CSMD1: variants seen among roughly 807,000 people sequenced by gnomAD.
CSMD1 encodes CUB and sushi domain-containing protein 1.
Under a neutral mutation model 417.5 loss-of-function variants are expected in CSMD1, and 213 were observed. That is an observed-to-expected ratio of 0.51 (90% CI 0.46 to 0.57). The LOEUF is 0.57. Ranked by LOEUF, CSMD1 falls within the 20% of genes least tolerant of loss-of-function variation. The pLI, the probability that CSMD1 is intolerant of heterozygous loss-of-function variation, is 0.00. For synonymous variants in CSMD1, 2,862 were observed against 1,736.8 expected (o/e 1.65, Z -16.11); for missense variants, 6,923 against 4,529.7 (o/e 1.53, Z -15.17).
intron 1 of CSMD1, among the ~76,000 whole-genome samples, chr8:4,722,729 G>T (rs1164182618): frequency 6.6e-6 from 1 of 152,068 alleles, no homozygotes. Context: ...TTTACGGAAA[G>T]AAAAATTTGG....
At chr8:3,404,521 T>C (rs962010113) in intron 15 of CSMD1, among the ~76,000 whole-genome samples, 2 of 152,096 alleles carry the variant, frequency 1.3e-5, no homozygotes, top group East Asian at 3.9e-4. Context: ...ATAGAGATGA[T>C]GGGTCTGAGA....
intron 12 of CSMD1, among the ~76,000 whole-genome samples, chr8:3,450,934 G>A (rs1305045336): frequency 6.6e-6 from 1 of 152,074 alleles, no homozygotes; most frequent in African/African-American, 2.4e-5. Flanking sequence ...CTCACCAACA[G>A]TGTAAAAGTG....
intron 26 of CSMD1, among the ~76,000 whole-genome samples, chr8:3,261,987 A>G (rs1801100595): frequency 2.0e-5 from 3 of 151,232 alleles, no homozygotes; most frequent in African/African-American, 7.3e-5. Context: ...ACAGGATGTT[A>G]CTCTTGGGGG....
chr8:4,764,882 A>AAAACAAAAAAAAAAACAAAACAAAAC (rs1563326772), intron 1 of CSMD1, among the ~76,000 whole-genome samples: 1,954 of 47,308 alleles, frequency 0.041, 72 homozygotes, highest in African/African-American at 0.14. Context: ...CAAAAAAAAA[A>AAAACAAAAAAAAAAACAAAACAAAAC]AAAAAAAAAA....
chr8:4,529,316 A>G (rs1796676888), intron 2 of CSMD1, among the ~76,000 whole-genome samples: 1 of 152,222 alleles, frequency 6.6e-6, no homozygotes. Flanking sequence ...TGTATGCAAA[A>G]AAAATTACAA....
intron 7 of CSMD1, among the ~76,000 whole-genome samples, chr8:3,696,996 A>G (rs1303690843): frequency 6.6e-6 from 1 of 152,150 alleles, no homozygotes; most frequent in East Asian, 1.9e-4. Context: ...CCCAGGATCC[A>G]GTAGGTCATG....
At chr8:4,355,649 C>T (rs1169746792) in intron 3 of CSMD1, among the ~76,000 whole-genome samples, 1 of 151,778 alleles carries the variant, frequency 6.6e-6, no homozygotes, top group Non-Finnish European at 1.5e-5. Context: ...TCAAGAAAAG[C>T]AAGCATGCTA....
Position 3,990,587 on chromosome 8 carries a change from C to T in CSMD1, c.818+7316G>A, listed in dbSNP as rs188094160. Among the ~76,000 whole-genome samples the T allele has an allele frequency of 1.6e-4, 25 of 152,280 alleles. No homozygotes were observed. In the South Asian group the frequency reaches 2.9e-3, roughly 18 times the overall value. The stretch of plus-strand genomic sequence containing the variant: ...AGAAAAGTGTCCCAAATTTCAAATA[C>T]GTATTCTTTGAAATAGTTTTTTAAC... On this transcript the variant is annotated intron_variant, in intron 5 of 69. Transcript: ENST00000635120.
intron 11 of CSMD1, among the ~76,000 whole-genome samples, chr8:3,478,347 C>A (rs1817545002): frequency 6.6e-6 from 1 of 152,240 alleles, no homozygotes; most frequent in Non-Finnish European, 1.5e-5. Flanking sequence ...CAACGTGATG[C>A]TACTTTACAG....
At chr8:4,930,692 C>G (rs537452249) in intron 1 of CSMD1, among the ~76,000 whole-genome samples, 1 of 152,064 alleles carries the variant, frequency 6.6e-6, no homozygotes. Context: ...ATGTTTAGGT[C>G]GTTTATATTG....
intron 7 of CSMD1, among the ~76,000 whole-genome samples, chr8:3,668,485 C>A (rs1798820131): frequency 6.6e-6 from 1 of 152,156 alleles, no homozygotes; most frequent in South Asian, 2.1e-4. Flanking sequence ...GGGGATATTA[C>A]AAGGAGAACG....
chr8:3,108,652 C>T lies in CSMD1; in HGVS notation c.6705G>A (p.Lys2235=). 5 of 1,613,786 alleles carry T rather than the reference C, an allele frequency of 3.1e-6. No individual in the cohort carries two copies. The South Asian group carries it at 5.5e-5, about 18-fold the overall frequency. The part of the protein sequence containing the change: ...AYSSTNQVLL[K]FHSDFSNGGF... Reference sequence around the variant, plus strand: ...CTCCATTTGAAAAGTCGCTGTGGAACTTGAGCAGGACTTGGTTGGTGGAGC... The same window carrying T: ...CTCCATTTGAAAAGTCGCTGTGGAATTTGAGCAGGACTTGGTTGGTGGAGC... Residue 2235 remains lysine, a synonymous_variant, in exon 44 of 70, where the codon AAG becomes AAA. Transcript: ENST00000635120.
rs377137643 is a variant in CSMD1, at chr8:4,923,630, C to T, written c.85+70702G>A. 4.8e-3 allele frequency among the ~76,000 whole-genome samples: 735 copies of T among 152,192 alleles called. 9 individuals are homozygous for T. Among genetic ancestry groups the T allele is most frequent in the African/African-American group, 0.017 (694 of 41,524 alleles). ...TAAACATACACACTACACTTGTATT[C>T]TACATTGCTTCCTGCACTCACATGT... On this transcript the variant is annotated intron_variant, in intron 1 of 69. Coordinates refer to ENST00000635120, the MANE Select transcript of CSMD1 (RefSeq NM_033225.6).
intron 3 of CSMD1, among the ~76,000 whole-genome samples, chr8:4,084,559 T>A (rs536794022): frequency 4.6e-5 from 7 of 152,304 alleles, no homozygotes; most frequent in African/African-American, 1.7e-4. Context: ...TGGTAGGATG[T>A]TAGGAACTCG....
At chr8:4,479,153 A>T (rs1800956095) in intron 2 of CSMD1, among the ~76,000 whole-genome samples, 1 of 152,232 alleles carries the variant, frequency 6.6e-6, no homozygotes, top group Admixed American at 6.5e-5. Flanking sequence ...GTTAATTTAT[A>T]AATAAATACA....
chr8:3,844,639 TG>T (rs907354253), intron 5 of CSMD1, among the ~76,000 whole-genome samples: 1 of 151,990 alleles, frequency 6.6e-6, no homozygotes, highest in Admixed American at 6.6e-5. Flanking sequence ...AGGAGAACGG[TG>T]GGTATGCAGC....
intron 27 of CSMD1, 88 bp from the exon 28 acceptor site, chr8:3,223,955 T>C (rs1798350926): frequency 7.5e-7 from 1 of 1,341,840 alleles, no homozygotes; most frequent in Non-Finnish European, 1.0e-6. Flanking sequence ...ACAGAATTCT[T>C]TAAGAAAAAG....
intron 10 of CSMD1, among the ~76,000 whole-genome samples, chr8:3,517,189 G>C (rs922461556): frequency 1.3e-5 from 2 of 152,100 alleles, no homozygotes; most frequent in African/African-American, 4.8e-5. Context: ...CCAGATGTTT[G>C]ACTCTCTTTG....
chr8:4,770,637 T>A (rs553136267), intron 1 of CSMD1, among the ~76,000 whole-genome samples: 81 of 152,120 alleles, frequency 5.3e-4, no homozygotes, highest in African/African-American at 1.9e-3. Flanking sequence ...CGGAAGAGAA[T>A]AGAGAGCTGA....
Sources: allele counts gnomAD v4.1 joint callset (sites outside exome capture counted in the v4.1 genomes callset), GRCh38; gene constraint gnomAD v4.1.1; transcripts MANE v1.5; gene names NCBI Gene and HGNC (gene_info 2026-07-23, HGNC 2026-07-21).